ATP9A: variants seen among roughly 807,000 people sequenced by gnomAD.
ATP9A encodes the protein probable phospholipid-transporting ATPase IIA.
In ATP9A, 52 loss-of-function variants were observed where a neutral mutation model predicts 144.1. The ratio of observed to expected loss-of-function variants is 0.36; its 90% CI spans 0.29 to 0.45. The LOEUF (loss-of-function observed/expected upper bound fraction) is 0.45. ATP9A is among the 20% of genes least tolerant of loss of function. ATP9A has a pLI of 1.00. For missense variants in ATP9A, 947 were observed against 1,392.7 expected (o/e 0.68, Z 5.09); for synonymous variants, 582 against 557.4 (o/e 1.04, Z -0.62).
chr20:51,745,571 AGG>A, intron 1 of ATP9A, among the ~76,000 whole-genome samples: 1 of 152,336 alleles, frequency 6.6e-6, no homozygotes, highest in Non-Finnish European at 1.5e-5. Flanking sequence ...ACAGGGAAGT[AGG>A]GCACTACTGG....
chr20:51,705,127 A>T (rs527593083), intron 4 of ATP9A, among the ~76,000 whole-genome samples: 68 of 152,364 alleles, frequency 4.5e-4, no homozygotes, highest in African/African-American at 1.6e-3. Flanking sequence ...ATAAAGTTTC[A>T]ATTTAATTAT....
At chr20:51,717,297 A>G (rs951238679) in intron 3 of ATP9A, among the ~76,000 whole-genome samples, 3 of 152,180 alleles carry the variant, frequency 2.0e-5, no homozygotes, top group African/African-American at 7.2e-5. Context: ...AAGACGTTTC[A>G]AAATGTCTTC....
At position 51,601,469 on chromosome 20, in the gene ATP9A, T is replaced by A. The variant is rs1278933923; in HGVS notation, c.3008-122A>T. The A allele has an allele frequency of 5.8e-6, 6 of 1,042,926 alleles. No homozygotes were observed. The Admixed American group carries it at 9.3e-5, about 16-fold the overall frequency. 64.6% of individuals were successfully genotyped at this position (1,042,926 alleles called of 1,614,324 possible). On this transcript the variant is annotated intron_variant, in intron 27 of 27. Transcript: ENST00000338821. The stretch of plus-strand genomic sequence containing the variant: ...CATCTCCCGTCACAAACCCACAGCC[T>A]CCTGGCATTGGCCCTCTTTCTCCAT...
intron 7 of ATP9A, 66 bp downstream of exon 7, chr20:51,693,942 G>GCA: frequency 8.8e-7 from 1 of 1,137,766 alleles, no homozygotes; most frequent in Non-Finnish European, 1.2e-6. Flanking sequence ...GGCCCCCCAG[G>GCA]TATGAGTTTG....
intron 14 of ATP9A, among the ~76,000 whole-genome samples, chr20:51,653,474 C>A (rs757691893): frequency 6.6e-6 from 1 of 152,148 alleles, no homozygotes; most frequent in African/African-American, 2.4e-5. Flanking sequence ...CTCAGATCAT[C>A]AGCATCTGGA....
At chr20:51,757,281 G>A (rs2077860591) in intron 1 of ATP9A, among the ~76,000 whole-genome samples, 1 of 152,142 alleles carries the variant, frequency 6.6e-6, no homozygotes, top group Non-Finnish European at 1.5e-5. Flanking sequence ...GCCTCCCAAA[G>A]TGCTGGGATT....
intron 4 of ATP9A, among the ~76,000 whole-genome samples, chr20:51,711,780 T>A (rs1391104062): frequency 5.1e-5 from 7 of 137,836 alleles, no homozygotes; most frequent in African/African-American, 1.3e-4. Flanking sequence ...AATGCACATA[T>A]CTTGCAAGTG....
intron 1 of ATP9A, among the ~76,000 whole-genome samples, chr20:51,767,804 T>TGGGACCCAGGGGCGCTGATGG (rs2077911837): frequency 6.6e-6 from 1 of 152,138 alleles, no homozygotes; most frequent in Non-Finnish European, 1.5e-5. Context: ...CTCCTGGGGC[T>TGGGACCCAGGGGCGCTGATGG]GGGACCCAGG....
intron 9 of ATP9A, among the ~76,000 whole-genome samples, chr20:51,682,224 T>C (rs1320460767): frequency 6.6e-6 from 1 of 152,144 alleles, no homozygotes; most frequent in Non-Finnish European, 1.5e-5. Flanking sequence ...AATCTGCACA[T>C]GTACCCCCAA....
rs1180199478 is a variant in ATP9A, at chr20:51,597,816, C to T, written c.*3395G>A. 2 of 151,696 alleles carry T rather than the reference C, an allele frequency of 1.3e-5. No homozygotes were observed. Among genetic ancestry groups the T allele is most frequent in the Non-Finnish European group, 2.9e-5 (2 of 67,954 alleles). The allele number at this position is 151,696 out of a possible 1,614,324, so 9.4% of individuals were successfully genotyped here. A position where few individuals can be genotyped will look rare whatever the true frequency, so the allele number is the denominator to read the frequency against. ...CAAAATACATTAAAAAGTAGCATGG[C>T]TTACATTTTCAGCAGAGAAGAAACT... On this transcript the variant is annotated 3_prime_UTR_variant, in exon 28 of 28. Transcript: ENST00000338821.
chr20:51,603,064 G>A (rs915622355), intron 27 of ATP9A, among the ~76,000 whole-genome samples: 2 of 122,476 alleles, frequency 1.6e-5, no homozygotes, highest in Admixed American at 7.7e-5. Context: ...GGGGCGTGAG[G>A]GGGTTGTCAT....
chr20:51,609,811 A>T (rs1817223984), intron 24 of ATP9A, among the ~76,000 whole-genome samples: 1 of 152,202 alleles, frequency 6.6e-6, no homozygotes, highest in Non-Finnish European at 1.5e-5. Context: ...TGCTCTCCTC[A>T]ATCAACTGAT....
intron 4 of ATP9A, among the ~76,000 whole-genome samples, chr20:51,700,868 G>A (rs2077590588): frequency 1.3e-5 from 2 of 152,124 alleles, no homozygotes; most frequent in Non-Finnish European, 2.9e-5. Context: ...AAGAAAGAGA[G>A]AAATGGGTAA....
Position 51,619,007 on chromosome 20 carries a change from C to T in ATP9A, c.2152G>A (p.Ala718Thr), listed in dbSNP as rs188271713. Residue 718 changes from alanine (A) to threonine (T), a missense_variant, in exon 20 of 28, where the codon GCC becomes ACC. Physicochemically the swap from Ala to Thr is moderately conservative, Grantham distance 58. Transcript: ENST00000338821. The stretch of plus-strand genomic sequence containing the variant: ...GCACAATCATGCTTCCTGCGGAAGG[C>T]GTTCAGCTCGAGGTGAGCCTCCCCG... The part of the protein sequence containing the change: ...NRGEAHLELN[A>T]FRRKHDCALV... The T allele has an allele frequency of 1.3e-4, 203 of 1,614,100 alleles. No homozygotes were observed. The East Asian group carries it at 4.3e-3, about 34-fold the overall frequency.
At chr20:51,695,118 A>C (rs1353426452) in intron 6 of ATP9A, among the ~76,000 whole-genome samples, 1 of 15,736 alleles carries the variant, frequency 6.4e-5, no homozygotes, top group East Asian at 1.8e-3. Context: ...CATGTATTCA[A>C]AAAACCTCCG....
intron 16 of ATP9A, among the ~76,000 whole-genome samples, chr20:51,627,997 G>A (rs2077256360): frequency 6.6e-6 from 1 of 152,144 alleles, no homozygotes; most frequent in African/African-American, 2.4e-5. Context: ...GAAAAACTGA[G>A]CATCTGACAA....
chr20:51,738,807 G>C (rs1208397437), intron 1 of ATP9A, among the ~76,000 whole-genome samples: 2 of 152,138 alleles, frequency 1.3e-5, no homozygotes, highest in Non-Finnish European at 2.9e-5. Context: ...GGGAGGCTGG[G>C]CGCGGTGGCT....
intron 9 of ATP9A, among the ~76,000 whole-genome samples, chr20:51,677,358 T>C (rs985553095): frequency 1.3e-5 from 2 of 152,190 alleles, no homozygotes; most frequent in African/African-American, 4.8e-5. Flanking sequence ...TTCAGTTAAA[T>C]TAAATACAGC....
chr20:51,653,058 C>T (rs1300818585), intron 14 of ATP9A, among the ~76,000 whole-genome samples: 2 of 150,262 alleles, frequency 1.3e-5, no homozygotes, highest in South Asian at 2.1e-4. Flanking sequence ...TGCAGTGAGC[C>T]GAGATCACGC....
Sources: gnomAD v4.1 joint callset for allele counts (sites outside exome capture counted in the v4.1 genomes callset) on GRCh38, gnomAD v4.1.1 for gene constraint, MANE v1.5 for transcripts, NCBI Gene and HGNC (gene_info 2026-07-23, HGNC 2026-07-21) for gene names.